The following AFF3 variants were observed in gnomAD, a reference collection of about 807,000 sequenced individuals.
AFF3 encodes ALF transcription elongation factor 3.
In AFF3, 32 loss-of-function variants were observed where a neutral mutation model predicts 129.7. That is an observed-to-expected ratio of 0.25 (90% CI 0.19 to 0.33). The LOEUF (loss-of-function observed/expected upper bound fraction) is 0.33. AFF3 is among the 10% of genes least tolerant of loss of function. The probability of loss-of-function intolerance (pLI) is 1.00; values close to 1 mark genes in which losing one functional copy is unlikely to be tolerated. For missense variants in AFF3, 1,373 were observed against 1,592.0 expected (o/e 0.86, Z 2.34); for synonymous variants, 644 against 635.4 (o/e 1.01, Z -0.20).
At chr2:99,984,208 G>A (rs758291885) in intron 7 of AFF3, among the ~76,000 whole-genome samples, 3 of 152,108 alleles carry the variant, frequency 2.0e-5, no homozygotes, top group Non-Finnish European at 4.4e-5. Context: ...AACATAATAT[G>A]GACAGTGAAG....
At chr2:99,558,109 CTTCTGAG>C (rs1183529991) in intron 22 of AFF3, among the ~76,000 whole-genome samples, 5 of 152,160 alleles carry the variant, frequency 3.3e-5, no homozygotes, top group Admixed American at 6.5e-5. Context: ...CTATCTACTG[CTTCTGAG>C]TTCTAACAAG....
At chr2:99,931,431 G>T (rs1422686761) in intron 7 of AFF3, among the ~76,000 whole-genome samples, 1 of 152,186 alleles carries the variant, frequency 6.6e-6, no homozygotes, top group Admixed American at 6.5e-5. Flanking sequence ...AGGTATTATT[G>T]ATCGATATGG....
chr2:99,571,458 C>T (rs1382185210), intron 18 of AFF3, among the ~76,000 whole-genome samples: 2 of 152,128 alleles, frequency 1.3e-5, no homozygotes, highest in Non-Finnish European at 2.9e-5. Flanking sequence ...GCTCCTTAAT[C>T]AATATTGTTT....
intron 4 of AFF3, among the ~76,000 whole-genome samples, chr2:100,011,015 C>T (rs1682480272): frequency 6.6e-6 from 1 of 152,220 alleles, no homozygotes; most frequent in South Asian, 2.1e-4. Flanking sequence ...TGGCTCATGC[C>T]TGTAATCCCA....
chr2:99,935,526 T>C (rs1674445554), intron 7 of AFF3, among the ~76,000 whole-genome samples: 1 of 152,176 alleles, frequency 6.6e-6, no homozygotes, highest in Non-Finnish European at 1.5e-5. Flanking sequence ...CTCACTACAG[T>C]AGCATGTACA....
chr2:99,582,268 G>A (rs1355730674), intron 17 of AFF3, among the ~76,000 whole-genome samples: 1 of 152,172 alleles, frequency 6.6e-6, no homozygotes, highest in Admixed American at 6.5e-5. Context: ...CAGCTAAGAG[G>A]TGAGGTCAGA....
chr2:99,629,370 C>T (rs1474512263), intron 13 of AFF3, among the ~76,000 whole-genome samples: 2 of 152,214 alleles, frequency 1.3e-5, no homozygotes, highest in Non-Finnish European at 2.9e-5. Flanking sequence ...CCAACAATAG[C>T]TGAGCCGAGA....
chr2:99,902,065 C>T (rs1482249530), intron 7 of AFF3, among the ~76,000 whole-genome samples: 1 of 151,554 alleles, frequency 6.6e-6, no homozygotes, highest in Non-Finnish European at 1.5e-5. Context: ...GAGGTCCCTC[C>T]TGGGTGCTCC....
intron 8 of AFF3, among the ~76,000 whole-genome samples, chr2:99,786,339 A>AT (rs1288207679): frequency 1.3e-5 from 2 of 152,210 alleles, no homozygotes; most frequent in Non-Finnish European, 2.9e-5. Context: ...TAAAGCCACC[A>AT]TCAGTCCGCA....
intron 7 of AFF3, among the ~76,000 whole-genome samples, chr2:99,850,427 G>C (rs1016736299): frequency 6.6e-6 from 1 of 152,176 alleles, no homozygotes; most frequent in African/African-American, 2.4e-5. Context: ...TGTTTTTAAA[G>C]GACATTGTTA....
chr2:99,939,964 G>T (rs1343988969), intron 7 of AFF3, among the ~76,000 whole-genome samples: 2 of 152,200 alleles, frequency 1.3e-5, no homozygotes, highest in Non-Finnish European at 2.9e-5. Context: ...ATGATAGTTA[G>T]ATGTGTTATG....
At chr2:99,551,968 T>G (rs1559465682) in intron 24 of AFF3, among the ~76,000 whole-genome samples, 2 of 152,220 alleles carry the variant, frequency 1.3e-5, no homozygotes, top group East Asian at 3.8e-4. Context: ...GCTGAGCCCC[T>G]GGAGTGAGTC....
At chr2:99,648,554 G>C (rs1472373094) in intron 13 of AFF3, among the ~76,000 whole-genome samples, 17 of 152,108 alleles carry the variant, frequency 1.1e-4, no homozygotes. Context: ...GGTTGTCATG[G>C]GGAAGGTTTT....
intron 12 of AFF3, among the ~76,000 whole-genome samples, chr2:99,652,567 A>G (rs1297771446): frequency 2.6e-5 from 4 of 152,198 alleles, no homozygotes; most frequent in African/African-American, 4.8e-5. Context: ...GACAACTTCC[A>G]TAAGTAATGC....
chr2:100,014,876 C>G (rs1197731650), intron 4 of AFF3, among the ~76,000 whole-genome samples: 1 of 150,774 alleles, frequency 6.6e-6, no homozygotes, highest in African/African-American at 2.4e-5. Context: ...CTCCGCCTCC[C>G]AGGTTCAAGT....
At chr2:99,773,394 TCATATA>T (rs1683644505) in intron 8 of AFF3, among the ~76,000 whole-genome samples, 1 of 152,200 alleles carries the variant, frequency 6.6e-6, no homozygotes, top group Non-Finnish European at 1.5e-5. Context: ...TAATATAAAC[TCATATA>T]ATTTTTTTTG....
chr2:99,762,899 A>G (rs2105279732), intron 8 of AFF3, among the ~76,000 whole-genome samples: 1 of 152,378 alleles, frequency 6.6e-6, no homozygotes, highest in South Asian at 2.1e-4. Flanking sequence ...CTGTATCAGA[A>G]TAATCATTCA....
intron 2 of AFF3, chr2:100,106,567 G>C: frequency 1.0e-6 from 1 of 994,004 alleles, no homozygotes; most frequent in Non-Finnish European, 1.2e-6. Context: ...TGGGGGTGGA[G>C]GGTGGAGGAG....
intron 4 of AFF3, among the ~76,000 whole-genome samples, chr2:100,048,846 C>A (rs1686050855): frequency 6.6e-6 from 1 of 152,186 alleles, no homozygotes; most frequent in Non-Finnish European, 1.5e-5. Context: ...TTCACGCTCA[C>A]AAATTTCAAA....
Sources: gnomAD v4.1 joint callset for allele counts (sites outside exome capture counted in the v4.1 genomes callset) on GRCh38, gnomAD v4.1.1 for gene constraint, MANE v1.5 for transcripts, NCBI Gene and HGNC (gene_info 2026-07-23, HGNC 2026-07-21) for gene names.